Variants in AOPEP observed in about 807,000 individuals in gnomAD.
AOPEP encodes aminopeptidase O.
Under a neutral mutation model 98.1 loss-of-function variants are expected in AOPEP, and 77 were observed. That is an observed-to-expected ratio of 0.78 (90% confidence interval 0.65 to 0.95). The LOEUF is 0.95. AOPEP is among the 40% of genes least tolerant of loss of function. The pLI is 0.00. For missense variants in AOPEP, 1,024 were observed against 1,024.7 expected (o/e 1.00, Z 0.01); for synonymous variants, 346 against 365.3 (o/e 0.95, Z 0.60).
downstream of AOPEP, among the ~76,000 whole-genome samples, chr9:95,088,010 C>T (rs2070808785): frequency 1.3e-5 from 2 of 152,164 alleles, no homozygotes; most frequent in Admixed American, 1.3e-4. Flanking sequence ...CTTTTCTTGT[C>T]CCAGTGACTG....
At chr9:95,128,552 T>C in the AOPEP span, among the ~76,000 whole-genome samples, 3 of 152,202 alleles carry the variant, frequency 2.0e-5, no homozygotes, top group Non-Finnish European at 4.4e-5. Context: ...AAAATGATGA[T>C]CAGATGTAGA....
At position 94,760,472 on chromosome 9, in the gene AOPEP, G is replaced by C; in HGVS notation, c.689G>C (p.Arg230Thr). ...FDTDTWSLQI[R>T]KTGAQTATDF... Reference sequence around the variant, plus strand: ...ACTGACACTTGGAGCTTGCAGATAAGGAAGACAGGGGCTCAGACAGCTACT... The same window carrying C: ...ACTGACACTTGGAGCTTGCAGATAACGAAGACAGGGGCTCAGACAGCTACT... Residue 230 changes from arginine to threonine, a missense_variant, in exon 2 of 17, where the codon AGG becomes ACG. Transcript: ENST00000375315. 6.2e-7 allele frequency: 1 copy of C among 1,613,388 alleles called. No homozygotes were observed. Among genetic ancestry groups the C allele is most frequent in the Non-Finnish European group, 8.5e-7 (1 of 1,179,810 alleles).
intron 5 of AOPEP, among the ~76,000 whole-genome samples, chr9:94,829,912 T>C (rs1016992935): frequency 2.0e-5 from 3 of 152,214 alleles, no homozygotes; most frequent in African/African-American, 2.4e-5. Context: ...CAATGACATA[T>C]TCACACCTAT....
chr9:95,113,066 A>G, the AOPEP span, among the ~76,000 whole-genome samples: 1 of 152,224 alleles, frequency 6.6e-6, no homozygotes, highest in Non-Finnish European at 1.5e-5. Context: ...AGATTCTTCA[A>G]GGTCCAGCTC....
chr9:95,120,579 A>T, the AOPEP span, among the ~76,000 whole-genome samples: 2 of 151,420 alleles, frequency 1.3e-5, no homozygotes, highest in South Asian at 2.1e-4. Flanking sequence ...ATGCCCAGCT[A>T]ATTTTTTATT....
At chr9:94,914,054 A>T in intron 5 of AOPEP, among the ~76,000 whole-genome samples, 1 of 152,374 alleles carries the variant, frequency 6.6e-6, no homozygotes, top group East Asian at 1.9e-4. Flanking sequence ...GAAAAACTAA[A>T]CAAAACAGCT....
intron 5 of AOPEP, among the ~76,000 whole-genome samples, chr9:94,877,613 G>T (rs1435976794): frequency 6.6e-6 from 1 of 151,926 alleles, no homozygotes; most frequent in East Asian, 1.9e-4. Context: ...TAGAGACAGG[G>T]TTTCACCATG....
intron 4 of AOPEP, 93 bp downstream of exon 4, chr9:94,793,011 C>A: frequency 2.2e-6 from 3 of 1,367,876 alleles, no homozygotes; most frequent in Non-Finnish European, 3.0e-6. Context: ...GAATGTGAGT[C>A]ATTCCTGCTG....
At chr9:94,732,005 G>A (rs541238841) in intron 1 of AOPEP, among the ~76,000 whole-genome samples, 1 of 151,866 alleles carries the variant, frequency 6.6e-6, no homozygotes, top group South Asian at 2.1e-4. Flanking sequence ...GGCTGGTTTC[G>A]AACTCCTGAC....
chr9:94,971,685 T>C (rs2059546128), intron 10 of AOPEP, among the ~76,000 whole-genome samples: 1 of 152,214 alleles, frequency 6.6e-6, no homozygotes, highest in African/African-American at 2.4e-5. Context: ...TTTGCATTGT[T>C]CTCTTGCTTT....
At chr9:94,822,610 TC>T (rs1428046108) in intron 5 of AOPEP, among the ~76,000 whole-genome samples, 2 of 152,184 alleles carry the variant, frequency 1.3e-5, no homozygotes, top group Non-Finnish European at 2.9e-5. Context: ...ATTTTCCTAT[TC>T]TTTAGTCATC....
downstream of AOPEP, among the ~76,000 whole-genome samples, chr9:95,090,192 CCT>C (rs141602196): frequency 3.2e-3 from 484 of 152,362 alleles, 3 homozygotes; most frequent in Non-Finnish European, 4.5e-3. Flanking sequence ...CCATCTGTCC[CCT>C]GAGTGGTAGG....
intron 3 of AOPEP, among the ~76,000 whole-genome samples, chr9:94,777,813 A>G (rs1262722216): frequency 6.6e-6 from 1 of 151,790 alleles, no homozygotes. Context: ...TAGTAGAGAC[A>G]GGGTTTCACC....
At chr9:95,112,386 G>A in the AOPEP span, among the ~76,000 whole-genome samples, 2 of 152,186 alleles carry the variant, frequency 1.3e-5, no homozygotes, top group South Asian at 2.1e-4. Context: ...CTTCCTGCAT[G>A]TTCCTCTGCC....
intron 9 of AOPEP, among the ~76,000 whole-genome samples, chr9:94,962,728 A>ATTTTTT (rs2058928799): frequency 7.6e-6 from 1 of 131,096 alleles, no homozygotes; most frequent in Admixed American, 7.3e-5. Flanking sequence ...CAATATTATC[A>ATTTTTT]TCTTTTTTTT....
At chr9:95,014,654 A>T (rs1049499029) in intron 13 of AOPEP, among the ~76,000 whole-genome samples, 1 of 152,126 alleles carries the variant, frequency 6.6e-6, no homozygotes, top group Non-Finnish European at 1.5e-5. Flanking sequence ...CTCATGGAGG[A>T]CTACTACTGG....
At chr9:94,924,865 C>T (rs1050633583) in intron 6 of AOPEP, among the ~76,000 whole-genome samples, 1 of 152,234 alleles carries the variant, frequency 6.6e-6, no homozygotes, top group Admixed American at 6.5e-5. Flanking sequence ...GACAAACATA[C>T]CCAGAAGCCA....
At chr9:94,744,737 A>G (rs1409601279) in intron 1 of AOPEP, among the ~76,000 whole-genome samples, 2 of 151,196 alleles carry the variant, frequency 1.3e-5, no homozygotes, top group Admixed American at 6.6e-5. Flanking sequence ...AAAATATGGT[A>G]CAAATTGGAT....
chr9:94,915,427 C>A (rs1489500257), intron 5 of AOPEP, among the ~76,000 whole-genome samples: 2 of 152,184 alleles, frequency 1.3e-5, no homozygotes, highest in Non-Finnish European at 2.9e-5. Flanking sequence ...GTGCTATTCC[C>A]CAAGGCCACT....
Sources: allele counts gnomAD v4.1 joint callset (sites outside exome capture counted in the v4.1 genomes callset), GRCh38; gene constraint gnomAD v4.1.1; transcripts MANE v1.5; gene names NCBI Gene and HGNC (gene_info 2026-07-23, HGNC 2026-07-21).